The following LRIG1 variants were observed in gnomAD, a reference collection of about 807,000 sequenced individuals.
LRIG1 encodes leucine rich repeats and immunoglobulin like domains 1, also known as leucine-rich repeats and immunoglobulin-like domains protein 1.
In LRIG1, 48 loss-of-function variants were observed where a neutral mutation model predicts 99.2. The ratio of observed to expected loss-of-function variants is 0.48; its 90% confidence interval spans 0.38 to 0.62. The LOEUF (loss-of-function observed/expected upper bound fraction) is 0.62. LRIG1 is among the 20% of genes least tolerant of loss of function. LRIG1 has a pLI of 0.00. For synonymous variants in LRIG1, 772 were observed against 596.1 expected, an observed-to-expected ratio of 1.29 and a Z score of -4.30; for missense variants, 1,646 against 1,434.4, an observed-to-expected ratio of 1.15 and a Z score of -2.38.
At chr3:66,488,893 G>A (rs1701036096) in intron 1 of LRIG1, among the ~76,000 whole-genome samples, 1 of 152,228 alleles carries the variant, frequency 6.6e-6, no homozygotes, top group African/African-American at 2.4e-5. Context: ...GACTGCCTGA[G>A]AAAGATGCTG....
At chr3:66,407,536 C>A in intron 7 of LRIG1, 45 bp from the exon 8 acceptor site, 3 of 1,602,286 alleles carry the variant, frequency 1.9e-6, no homozygotes, top group Non-Finnish European at 8.5e-7. Flanking sequence ...GTGTGGTTGC[C>A]CCCCAACCCC....
intron 3 of LRIG1, among the ~76,000 whole-genome samples, chr3:66,429,188 C>T (rs1703075096): frequency 6.6e-6 from 1 of 152,220 alleles, no homozygotes; most frequent in African/African-American, 2.4e-5. Context: ...CATGAGACTA[C>T]CTAACCCCAG....
intron 2 of LRIG1, 129 bp from the exon 3 acceptor site, chr3:66,451,762 GAGAA>G: frequency 3.0e-6 from 2 of 673,666 alleles, no homozygotes; most frequent in Non-Finnish European, 4.9e-6. Context: ...TTGGAGAAAA[GAGAA>G]AGAATTTAGC....
rs1426442273 is a variant in LRIG1 at position 66,410,235 on chromosome 3, C to T, written c.829G>A (p.Gly277Ser). Residue 277 changes from glycine (G) to serine (S), a missense_variant, in exon 7 of 19, where the codon GGC becomes AGC. Coordinates refer to ENST00000273261, the MANE Select transcript of LRIG1 (RefSeq NM_015541.3). Reference protein sequence around the residue: ...EYNSLVEVNSGSLYGLTALHQ... With the variant: ...EYNSLVEVNSSSLYGLTALHQ... ...AGGGCCGTGAGGCCGTAGAGCGAGC[C>T]GCTGTTCACTTCTACCAGGCTGTTG... The T allele has an allele frequency of 1.9e-6, 3 of 1,613,540 alleles. No homozygotes were observed. The highest frequency in any genetic ancestry group is 1.7e-5 in the Admixed American group (1 of 59,886).
chr3:66,444,778 C>G (rs1178337638), intron 3 of LRIG1, among the ~76,000 whole-genome samples: 1 of 152,116 alleles, frequency 6.6e-6, no homozygotes, highest in Non-Finnish European at 1.5e-5. Flanking sequence ...CCAGAAGAAA[C>G]AATCAGTTCA....
At chr3:66,382,851 A>T in intron 15 of LRIG1, 131 bp downstream of exon 15, 1 of 764,118 alleles carries the variant, frequency 1.3e-6, no homozygotes, top group Non-Finnish European at 2.1e-6. Context: ...AAATGGAATT[A>T]GTGGGACTAA....
At chr3:66,415,370 C>A (rs1198771310) in intron 4 of LRIG1, among the ~76,000 whole-genome samples, 1 of 152,182 alleles carries the variant, frequency 6.6e-6, no homozygotes, top group Non-Finnish European at 1.5e-5. Context: ...CACTGACACA[C>A]CAGCCCTGCG....
At chr3:66,473,400 T>C (rs1700647689) in intron 1 of LRIG1, among the ~76,000 whole-genome samples, 1 of 152,220 alleles carries the variant, frequency 6.6e-6, no homozygotes, top group Non-Finnish European at 1.5e-5. Context: ...TCCTTTATTT[T>C]TCAACTGTGT....
At chr3:66,472,654 G>A (rs1017173610) in intron 1 of LRIG1, among the ~76,000 whole-genome samples, 1 of 152,226 alleles carries the variant, frequency 6.6e-6, no homozygotes, top group African/African-American at 2.4e-5. Flanking sequence ...CTTTCCGGCA[G>A]AAGGTACAAC....
At chr3:66,440,740 T>C (rs558744118) in intron 3 of LRIG1, among the ~76,000 whole-genome samples, 2 of 152,282 alleles carry the variant, frequency 1.3e-5, no homozygotes, top group South Asian at 2.1e-4. Flanking sequence ...GTTCAGTATA[T>C]ACCAGACACT....
chr3:66,416,148 G>C (rs1487052088), intron 4 of LRIG1, among the ~76,000 whole-genome samples: 1 of 152,234 alleles, frequency 6.6e-6, no homozygotes, highest in Non-Finnish European at 1.5e-5. Flanking sequence ...GAGCAACTTA[G>C]TGTAGCAGTT....
intron 11 of LRIG1, among the ~76,000 whole-genome samples, chr3:66,397,442 T>A (rs1701894706): frequency 1.8e-5 from 2 of 112,814 alleles, no homozygotes; most frequent in Non-Finnish European, 1.9e-5. Flanking sequence ...CAGATTCATG[T>A]CTAGCTAAAA....
intron 1 of LRIG1, 25 bp downstream of exon 1, chr3:66,500,165 A>T: frequency 1.3e-6 from 2 of 1,501,582 alleles, no homozygotes; most frequent in Non-Finnish European, 1.8e-6. Context: ...CGGGGCGCAG[A>T]GAGGGCGGAA....
chr3:66,430,560 C>T (rs907774130), intron 3 of LRIG1, among the ~76,000 whole-genome samples: 3 of 152,190 alleles, frequency 2.0e-5, no homozygotes, highest in Non-Finnish European at 4.4e-5. Context: ...ACTGCTGACC[C>T]GAGGAAGCTG....
At position 66,380,269 on chromosome 3, in the gene LRIG1, T is replaced by G; in HGVS notation, c.3276A>C (p.Lys1092Asn). The change falls in exon 19 of 19, where the codon AAA (lysine) becomes AAC (asparagine). Residue 1092 changes from lysine to asparagine, a missense_variant. By Grantham distance (94) the Lys-to-Asn change is moderately conservative (BLOSUM62 0). Coordinates refer to ENST00000273261, the MANE Select transcript of LRIG1 (RefSeq NM_015541.3). ...KQRVPLLLAP[K>N]S ...GAACTGAGGTAGACAAAACCTAGCT[T>G]TTTGGTGCCAACAGCAGTGGCACCC... 6.2e-7 allele frequency: 1 copy of G among 1,610,488 alleles called. No homozygotes were observed. The highest frequency in any genetic ancestry group is 8.5e-7 in the Non-Finnish European group (1 of 1,177,630).
chr3:66,474,557 G>C (rs1009027104), intron 1 of LRIG1, among the ~76,000 whole-genome samples: 6 of 152,070 alleles, frequency 3.9e-5, no homozygotes, highest in Non-Finnish European at 7.4e-5. Context: ...CATTGGCCAG[G>C]CTGGTCTTGA....
At chr3:66,396,984 C>A (rs1436259889) in intron 11 of LRIG1, among the ~76,000 whole-genome samples, 2 of 152,204 alleles carry the variant, frequency 1.3e-5, no homozygotes, top group Non-Finnish European at 2.9e-5. Flanking sequence ...TCTCACCCGA[C>A]AGATGGAGGC....
At chr3:66,392,785 CTTTA>C (rs1165517189) in intron 12 of LRIG1, among the ~76,000 whole-genome samples, 1 of 152,124 alleles carries the variant, frequency 6.6e-6, no homozygotes, top group East Asian at 1.9e-4. Context: ...CGATGGAAAG[CTTTA>C]TTTGAGGGAG....
At position 66,380,349 on chromosome 3, in the gene LRIG1, A is replaced by T; in HGVS notation, c.3196T>A (p.Cys1066Ser). 6.2e-7 allele frequency: 1 copy of T among 1,614,178 alleles called. No homozygotes were observed. The highest frequency in any genetic ancestry group is 8.5e-7 in the Non-Finnish European group (1 of 1,180,026). The change falls in exon 19 of 19, where the codon TGT becomes AGT. Residue 1066 changes from cysteine to serine, a missense_variant. Coordinates refer to ENST00000273261, the MANE Select transcript of LRIG1 (RefSeq NM_015541.3). Reference sequence around the variant, plus strand: ...GGCGTGGACTCGGGACTGGCGTCACATGCTTTGGGGAGGTGGCCATTGGAA... The same window carrying T: ...GGCGTGGACTCGGGACTGGCGTCACTTGCTTTGGGGAGGTGGCCATTGGAA... ...LVSNGHLPKA[C>S]DASPESTPLT...
Sources: allele counts gnomAD v4.1 joint callset (sites outside exome capture counted in the v4.1 genomes callset), GRCh38; gene constraint gnomAD v4.1.1; transcripts MANE v1.5; gene names NCBI Gene and HGNC (gene_info 2026-07-23, HGNC 2026-07-21).